SLC25A33: variants seen among roughly 807,000 people sequenced by gnomAD.
SLC25A33 encodes the protein bone marrow stromal cell mitochondrial carrier protein.
A neutral mutation model predicts 35.5 loss-of-function variants in SLC25A33; 15 were observed. The ratio of observed to expected loss-of-function variants is 0.42; its 90% CI spans 0.28 to 0.65. The LOEUF (loss-of-function observed/expected upper bound fraction) is 0.65, where lower values mean the gene tolerates loss of function less well. Among genes scored for constraint, SLC25A33 ranks in the 30% least tolerant of loss-of-function variants. The pLI, the probability that SLC25A33 is intolerant of heterozygous loss-of-function variation, is 0.20. For missense variants in SLC25A33, 257 were observed against 398.5 expected (o/e 0.64, Z 3.02); for synonymous variants, 136 against 148.7 (o/e 0.91, Z 0.62).
At chr1:9,571,944 A>T (rs954376230) in intron 4 of SLC25A33, among the ~76,000 whole-genome samples, 3 of 152,162 alleles carry the variant, frequency 2.0e-5, no homozygotes, top group Admixed American at 6.6e-5. Context: ...CCGAGCCTAG[A>T]AAGATATTTT....
chr1:9,576,836 A>T, intron 5 of SLC25A33: 2 of 1,228,244 alleles, frequency 1.6e-6, no homozygotes, highest in Non-Finnish European at 2.3e-6. Context: ...GCCTAGAAAG[A>T]TGAATTTAAT....
In SLC25A33 at chr1:9,582,813, A is replaced by C; in HGVS notation, c.*312A>C. On this transcript the variant is annotated 3_prime_UTR_variant, in exon 7 of 7. Transcript: ENST00000302692. This position sits in a 1 kb window ranked among gnomAD's most constrained non-coding sequence, Gnocchi z 4.0. ...CCTCTTTTATGCTCACTATACTATGAAGGACTTAAGTAATTCAGATAAACC... is the reference window on the plus strand; with the variant it reads ...CCTCTTTTATGCTCACTATACTATGCAGGACTTAAGTAATTCAGATAAACC... 3.5e-6 allele frequency: 1 copy of C among 286,830 alleles called. No homozygotes were observed. Among genetic ancestry groups the C allele is most frequent in the South Asian group, 5.0e-5 (1 of 20,184 alleles). 17.8% of individuals were successfully genotyped at this position (286,830 alleles called of 1,614,324 possible).
At chr1:9,564,577 A>G (rs1179242666) in intron 2 of SLC25A33, among the ~76,000 whole-genome samples, 1 of 151,844 alleles carries the variant, frequency 6.6e-6, no homozygotes, top group Admixed American at 6.6e-5. Context: ...GTGGAATAAT[A>G]TTCAGCCTTT....
chr1:9,577,715 A>T (rs1643682305), intron 5 of SLC25A33, among the ~76,000 whole-genome samples: 1 of 152,026 alleles, frequency 6.6e-6, no homozygotes, highest in Non-Finnish European at 1.5e-5. Context: ...GAAATGGAGG[A>T]TGGAGGTAGG....
intron 3 of SLC25A33, among the ~76,000 whole-genome samples, chr1:9,570,048 G>A (rs1448988414): frequency 6.6e-6 from 1 of 152,170 alleles, no homozygotes. Flanking sequence ...GAACACCTCT[G>A]TCACCACTAA....
chr1:9,566,166 G>C (rs1277593472), intron 2 of SLC25A33, among the ~76,000 whole-genome samples: 2 of 151,944 alleles, frequency 1.3e-5, no homozygotes, highest in Non-Finnish European at 2.9e-5. Context: ...AGCCTCCTGA[G>C]TAGCTGGGAC....
At chr1:9,577,017 A>G (rs1643669593) in intron 5 of SLC25A33, 3 of 898,908 alleles carry the variant, frequency 3.3e-6, no homozygotes, top group Middle Eastern at 3.6e-4. Context: ...CAGAAACAAC[A>G]TGCTGGATGA....
intron 3 of SLC25A33, among the ~76,000 whole-genome samples, chr1:9,569,841 C>T (rs1178854951): frequency 6.6e-6 from 1 of 151,958 alleles, no homozygotes. Context: ...TCCCGAGTCA[C>T]CCAAAAACAG....
At chr1:9,565,804 G>A (rs1267972002) in intron 2 of SLC25A33, among the ~76,000 whole-genome samples, 1 of 151,630 alleles carries the variant, frequency 6.6e-6, no homozygotes, top group Non-Finnish European at 1.5e-5. Flanking sequence ...TGTGAACCTG[G>A]GAGGCGGAGC....
At chr1:9,540,307 A>C (rs933601632) in intron 1 of SLC25A33, among the ~76,000 whole-genome samples, 10 of 152,036 alleles carry the variant, frequency 6.6e-5, no homozygotes, top group Non-Finnish European at 7.4e-5. Flanking sequence ...TAAGCCAGGG[A>C]CCCGAACTCA....
intron 1 of SLC25A33, among the ~76,000 whole-genome samples, chr1:9,541,249 G>C (rs1489704219): frequency 6.7e-6 from 1 of 150,088 alleles, no homozygotes; most frequent in Non-Finnish European, 1.5e-5. Flanking sequence ...CGCCTCCCGG[G>C]TTCACGCCAT....
rs1553146726 is a variant in SLC25A33, at chr1:9,564,725, TAAAAA to T, written c.237-2548_237-2544del. 1.9e-4 allele frequency among the ~76,000 whole-genome samples: 18 copies of T among 94,486 alleles called. No homozygotes were observed. The East Asian group carries it at 4.1e-3, about 22-fold the overall frequency. The allele number at this position is 94,486 out of a possible 152,430, so 62.0% of individuals were successfully genotyped here. On this transcript the variant is annotated intron_variant, in intron 2 of 6. Coordinates refer to ENST00000302692, the MANE Select transcript of SLC25A33 (RefSeq NM_032315.3). ...AACATGGTGACACCTCGTCTCTATT[TAAAAA>T]AAAAAAAAAATATATATATATATAT...
chr1:9,561,678 CG>C (rs1643426077), intron 2 of SLC25A33, among the ~76,000 whole-genome samples: 1 of 152,062 alleles, frequency 6.6e-6, no homozygotes, highest in Admixed American at 6.6e-5. Flanking sequence ...CTTGAGGACA[CG>C]AGTTCCCTAC....
chr1:9,551,236 T>A (rs1257318551), intron 1 of SLC25A33, among the ~76,000 whole-genome samples: 1 of 151,678 alleles, frequency 6.6e-6, no homozygotes, highest in Non-Finnish European at 1.5e-5. Context: ...TACAAAAAAA[T>A]ACAGCTGGGA....
At chr1:9,552,910 CTTTTTTT>C (rs58092940) in intron 1 of SLC25A33, among the ~76,000 whole-genome samples, 1 of 94,174 alleles carries the variant, frequency 1.1e-5, no homozygotes, top group African/African-American at 4.3e-5. Context: ...GGGATTTCAA[CTTTTTTT>C]TTTTTTTTTT....
At position 9,582,525 on chromosome 1, in the gene SLC25A33, A is replaced by G. The variant is rs531828794; in HGVS notation, c.*24A>G. 9 of 1,585,952 alleles carry G rather than the reference A, an allele frequency of 5.7e-6. No individual in the cohort carries two copies. The highest frequency in any genetic ancestry group is 5.4e-5 in the African/African-American group (4 of 74,264). ...AACAGGCCGGAAAATTGTGCTCTAGAAGAATAAAACTGAAAAACTCTAGAG... is the reference window on the plus strand; with the variant it reads ...AACAGGCCGGAAAATTGTGCTCTAGGAGAATAAAACTGAAAAACTCTAGAG... On this transcript the variant is annotated 3_prime_UTR_variant, in exon 7 of 7. Transcript: ENST00000302692. The surrounding 1 kb of genome is among the most constrained non-coding windows in gnomAD (Gnocchi z 4.0).
chr1:9,572,109 A>C (rs1557535149), intron 4 of SLC25A33, among the ~76,000 whole-genome samples: 2 of 152,328 alleles, frequency 1.3e-5, no homozygotes, highest in African/African-American at 4.8e-5. Context: ...CTGAATAGAA[A>C]ATCTTAAAGT....
intron 5 of SLC25A33, chr1:9,576,685 A>T: frequency 1.5e-6 from 1 of 653,744 alleles, no homozygotes; most frequent in South Asian, 1.4e-5. Context: ...CTGTTACAAG[A>T]TGAGGTCTGC....
chr1:9,583,608 G>T lies in SLC25A33; in HGVS notation c.*1107G>T, dbSNP rs1175464839. On this transcript the variant is annotated 3_prime_UTR_variant, in exon 7 of 7. Transcript: ENST00000302692. ...ACTGAGGTCTTTAGCCCTGTTCTTG[G>T]ACCTCTGCTCTTGCAGAAAAGGAGC... 6.6e-6 allele frequency: 1 copy of T among 152,016 alleles called. No homozygotes were observed. Among genetic ancestry groups the T allele is most frequent in the Non-Finnish European group, 1.5e-5 (1 of 68,040 alleles). 9.4% of individuals were successfully genotyped at this position (152,016 alleles called of 1,614,324 possible).
Sources: gnomAD v4.1 joint callset for allele counts (sites outside exome capture counted in the v4.1 genomes callset) on GRCh38, gnomAD v4.1.1 for gene constraint, Gnocchi (gnomAD v3.1) non-coding constraint, MANE v1.5 for transcripts, NCBI Gene and HGNC (gene_info 2026-07-23, HGNC 2026-07-21) for gene names.